ATF7: variants seen among roughly 807,000 people sequenced by gnomAD.
ATF7 encodes activating transcription factor 7.
A neutral mutation model predicts 50.4 loss-of-function variants in ATF7; 10 were observed. That is an observed-to-expected ratio of 0.20 (90% CI 0.12 to 0.34). ATF7 has a LOEUF of 0.34. Among genes scored for constraint, ATF7 ranks in the 10% least tolerant of loss-of-function variants. The pLI is 1.00. For synonymous variants in ATF7, 201 were observed against 226.4 expected, an observed-to-expected ratio of 0.89 and a Z score of 1.01; for missense variants, 465 against 613.9, an observed-to-expected ratio of 0.76 and a Z score of 2.56.
At chr12:53,574,911 G>T in intron 2 of ATF7, 1 of 305,764 alleles carries the variant, frequency 3.3e-6, no homozygotes, top group South Asian at 3.4e-5. Flanking sequence ...CAAGACTTTA[G>T]TCAGAAAATA....
In ATF7 at chr12:53,523,255, CTTAGG is replaced by C; in HGVS notation, c.1234+16_1234+20del. On this transcript the variant is annotated intron_variant, in intron 11 of 11. Coordinates refer to ENST00000420353, the MANE Select transcript of ATF7 (RefSeq NM_006856.3). Reference sequence around the variant, plus strand: ...GCAGTTTACTGACTGACTGACTTAGCTTAGGTTGTGTGCCACTCACCTAAATAGCC... The same window carrying C: ...GCAGTTTACTGACTGACTGACTTAGCTTGTGTGCCACTCACCTAAATAGCC... 1 of 1,518,920 alleles carries C rather than the reference CTTAGG, an allele frequency of 6.6e-7. No homozygotes were observed. The highest frequency in any genetic ancestry group is 9.1e-7 in the Non-Finnish European group (1 of 1,093,906). The allele number at this position is 1,518,920 out of a possible 1,614,324, so 94.1% of individuals were successfully genotyped here.
chr12:53,544,608 C>T (rs1565938102), intron 3 of ATF7, among the ~76,000 whole-genome samples: 1 of 151,986 alleles, frequency 6.6e-6, no homozygotes, highest in Non-Finnish European at 1.5e-5. Flanking sequence ...ATTAGGTGGG[C>T]ATAGTGGCAG....
chr12:53,579,261 G>A (rs1302812786), intron 2 of ATF7, among the ~76,000 whole-genome samples: 1 of 151,266 alleles, frequency 6.6e-6, no homozygotes, highest in Admixed American at 6.6e-5. Context: ...AGGGCCGGGT[G>A]CAGTGGCTCA....
At chr12:53,558,706 G>A (rs1448662071) in intron 2 of ATF7, among the ~76,000 whole-genome samples, 6 of 151,908 alleles carry the variant, frequency 3.9e-5, no homozygotes, top group African/African-American at 1.2e-4. Flanking sequence ...ACTCCCTTAT[G>A]AAGAAAAAAA....
chr12:53,523,449 C>T (rs1456652534), intron 10 of ATF7, 65 bp from the exon 11 acceptor site: 2 of 1,198,664 alleles, frequency 1.7e-6, no homozygotes, highest in African/African-American at 1.5e-5. Flanking sequence ...CCCTCAGTGG[C>T]TGTTCCCAAA....
intron 2 of ATF7, among the ~76,000 whole-genome samples, chr12:53,565,279 C>A (rs968741842): frequency 6.6e-6 from 1 of 151,338 alleles, no homozygotes; most frequent in Non-Finnish European, 1.5e-5. Context: ...TAATTTCTTA[C>A]CAGTTTGGGT....
chr12:53,543,835 T>C (rs4759215), intron 3 of ATF7: 83,210 of 174,216 alleles, frequency 0.48, 20,267 homozygotes, highest in East Asian at 0.75. Context: ...CTTTCGTAAA[T>C]TTACTCCCTG....
chr12:53,602,533 G>A (rs1273102350), intron 1 of ATF7, among the ~76,000 whole-genome samples: 1 of 152,074 alleles, frequency 6.6e-6, no homozygotes, highest in African/African-American at 2.4e-5. Flanking sequence ...AAAATAGAAG[G>A]GGTTTCTTGG....
intron 9 of ATF7, 115 bp downstream of exon 9, chr12:53,531,629 G>A: frequency 1.7e-6 from 2 of 1,200,692 alleles, no homozygotes; most frequent in East Asian, 5.3e-5. Flanking sequence ...AAAGTAAGCA[G>A]GAAGAAACCC....
At chr12:53,612,862 G>C (rs1943953760) in intron 1 of ATF7, among the ~76,000 whole-genome samples, 1 of 152,042 alleles carries the variant, frequency 6.6e-6, no homozygotes, top group Non-Finnish European at 1.5e-5. Flanking sequence ...AAATTAGTTG[G>C]GCATGGTAGC....
At chr12:53,574,156 GA>G (rs1941926746) in intron 2 of ATF7, among the ~76,000 whole-genome samples, 1 of 152,076 alleles carries the variant, frequency 6.6e-6, no homozygotes, top group Non-Finnish European at 1.5e-5. Context: ...AACAGTCCAG[GA>G]ATTCCAAAAC....
At chr12:53,523,990 T>C (rs1412817601) in intron 10 of ATF7, among the ~76,000 whole-genome samples, 1 of 152,230 alleles carries the variant, frequency 6.6e-6, no homozygotes, top group East Asian at 1.9e-4. Flanking sequence ...ATACTGAATG[T>C]ATCTACAGGA....
intron 5 of ATF7, among the ~76,000 whole-genome samples, chr12:53,536,730 G>T (rs1228179768): frequency 2.0e-5 from 3 of 151,808 alleles, no homozygotes; most frequent in African/African-American, 7.3e-5. Context: ...TCTACTAAAA[G>T]TACAAAAATT....
intron 6 of ATF7, among the ~76,000 whole-genome samples, chr12:53,533,471 T>C (rs182857386): frequency 6.6e-6 from 1 of 152,290 alleles, no homozygotes; most frequent in Non-Finnish European, 1.5e-5. Flanking sequence ...TCTTTATACT[T>C]TGCAAATTAA....
chr12:53,620,574 T>A, intron 1 of ATF7, among the ~76,000 whole-genome samples: 1 of 48,630 alleles, frequency 2.1e-5, no homozygotes, highest in South Asian at 6.8e-4. Context: ...AGACTCCGTC[T>A]CAAAAAAAAA....
intron 2 of ATF7, among the ~76,000 whole-genome samples, chr12:53,557,359 G>A (rs1483461301): frequency 6.6e-6 from 1 of 151,670 alleles, no homozygotes; most frequent in Non-Finnish European, 1.5e-5. Flanking sequence ...GCACCACCAT[G>A]TTCAGGCAAT....
At chr12:53,604,409 A>G (rs887568905) in intron 1 of ATF7, among the ~76,000 whole-genome samples, 1 of 152,212 alleles carries the variant, frequency 6.6e-6, no homozygotes. Flanking sequence ...AGATCCTAAA[A>G]TGGTCACTGT....
intron 1 of ATF7, among the ~76,000 whole-genome samples, chr12:53,603,748 CT>C (rs1222177864): frequency 2.6e-5 from 4 of 151,396 alleles, no homozygotes; most frequent in African/African-American, 9.7e-5. Context: ...CAGCTAACAC[CT>C]TTTTTAAAAA....
intron 2 of ATF7, among the ~76,000 whole-genome samples, chr12:53,563,110 G>A (rs1175351972): frequency 1.3e-5 from 2 of 152,002 alleles, no homozygotes; most frequent in Admixed American, 1.3e-4. Context: ...CATATTCCTT[G>A]AAATGTGTTC....
Sources: gnomAD v4.1 joint callset for allele counts (sites outside exome capture counted in the v4.1 genomes callset) on GRCh38, gnomAD v4.1.1 for gene constraint, MANE v1.5 for transcripts, NCBI Gene and HGNC (gene_info 2026-07-23, HGNC 2026-07-21) for gene names.